Variants in MAPKAP1 observed in about 807,000 individuals in gnomAD.
MAPKAP1 encodes MAPK associated protein 1.
A neutral mutation model predicts 65.7 loss-of-function variants in MAPKAP1; 20 were observed. That is an observed-to-expected ratio of 0.30 (90% CI 0.21 to 0.44). The LOEUF (loss-of-function observed/expected upper bound fraction) is 0.44, where lower values mean the gene tolerates loss of function less well. Among genes scored for constraint, MAPKAP1 ranks in the 20% least tolerant of loss-of-function variants. The pLI is 1.00. For synonymous variants in MAPKAP1, 222 were observed against 244.3 expected, an observed-to-expected ratio of 0.91 and a Z score of 0.85; for missense variants, 423 against 648.0, an observed-to-expected ratio of 0.65 and a Z score of 3.77.
intron 4 of MAPKAP1, among the ~76,000 whole-genome samples, chr9:125,649,690 C>T (rs13284551): frequency 0.28 from 41,999 of 151,510 alleles, 6,711 homozygotes; most frequent in Non-Finnish European, 0.36. Flanking sequence ...ATAGGATATA[C>T]CCCACCTCCC....
intron 10 of MAPKAP1, among the ~76,000 whole-genome samples, chr9:125,457,048 G>A (rs1025803887): frequency 2.0e-5 from 3 of 151,214 alleles, no homozygotes; most frequent in African/African-American, 4.9e-5. Flanking sequence ...GAGTACAGTG[G>A]CGCGATCCTG....
At chr9:125,458,193 T>C (rs1281853402) in intron 10 of MAPKAP1, among the ~76,000 whole-genome samples, 1 of 151,714 alleles carries the variant, frequency 6.6e-6, no homozygotes, top group Non-Finnish European at 1.5e-5. Context: ...GAAGTTACCA[T>C]GTGTTGGAAG....
At chr9:125,531,924 A>G (rs528170224) in intron 7 of MAPKAP1, among the ~76,000 whole-genome samples, 1 of 152,360 alleles carries the variant, frequency 6.6e-6, no homozygotes, top group East Asian at 1.9e-4. Context: ...TAAAATTTAC[A>G]TGCAATATAC....
At chr9:125,508,099 G>C (rs1829197159) in intron 7 of MAPKAP1, among the ~76,000 whole-genome samples, 1 of 152,118 alleles carries the variant, frequency 6.6e-6, no homozygotes, top group Admixed American at 6.5e-5. Context: ...CCAGGAGCTG[G>C]AGGCTCCAGT....
chr9:125,478,993 C>T (rs1564525173), intron 9 of MAPKAP1, among the ~76,000 whole-genome samples: 1 of 152,172 alleles, frequency 6.6e-6, no homozygotes, highest in Non-Finnish European at 1.5e-5. Flanking sequence ...CAGTTAGGCT[C>T]AGGACTCAAC....
At chr9:125,448,881 C>T (rs766233552) in intron 10 of MAPKAP1, among the ~76,000 whole-genome samples, 21 of 151,660 alleles carry the variant, frequency 1.4e-4, no homozygotes, top group African/African-American at 3.9e-4. Context: ...GGCACACACC[C>T]GGAATCCCAG....
At chr9:125,665,882 G>A (rs1239386192) in intron 3 of MAPKAP1, among the ~76,000 whole-genome samples, 1 of 152,112 alleles carries the variant, frequency 6.6e-6, no homozygotes, top group Non-Finnish European at 1.5e-5. Context: ...TTGTTGTTTT[G>A]CATTATTATT....
At chr9:125,622,295 TAAA>T (rs1323186785) in intron 4 of MAPKAP1, among the ~76,000 whole-genome samples, 3 of 152,114 alleles carry the variant, frequency 2.0e-5, no homozygotes, top group Non-Finnish European at 4.4e-5. Context: ...TTCAAAAAGA[TAAA>T]AAAAGGATTA....
chr9:125,559,871 G>GTA, intron 5 of MAPKAP1, 62 bp from the exon 6 acceptor site: 2 of 1,525,794 alleles, frequency 1.3e-6, no homozygotes, highest in East Asian at 2.3e-5. Context: ...GAAGACCAGA[G>GTA]GGTATGGTGC....
intron 11 of MAPKAP1, among the ~76,000 whole-genome samples, chr9:125,441,005 T>C (rs911964509): frequency 6.6e-6 from 1 of 152,208 alleles, no homozygotes; most frequent in Admixed American, 6.5e-5. Context: ...ACATAGATAA[T>C]GTTAATGGAA....
intron 1 of MAPKAP1, among the ~76,000 whole-genome samples, chr9:125,672,945 A>G (rs1004208881): frequency 6.6e-6 from 1 of 152,192 alleles, no homozygotes; most frequent in Non-Finnish European, 1.5e-5. Context: ...TTAAAACAAT[A>G]TATTTTCCTT....
intron 4 of MAPKAP1, among the ~76,000 whole-genome samples, chr9:125,605,699 G>A (rs1832421782): frequency 6.6e-6 from 1 of 152,136 alleles, no homozygotes. Context: ...GCAGTCAGCT[G>A]GAATTTGGCT....
At chr9:125,488,902 C>A (rs1473434717) in intron 8 of MAPKAP1, among the ~76,000 whole-genome samples, 1 of 152,184 alleles carries the variant, frequency 6.6e-6, no homozygotes, top group Non-Finnish European at 1.5e-5. Flanking sequence ...AGACAAATAC[C>A]TGAAGCAAAG....
intron 4 of MAPKAP1, among the ~76,000 whole-genome samples, chr9:125,618,738 G>A (rs1265351161): frequency 6.6e-6 from 1 of 152,126 alleles, no homozygotes; most frequent in Admixed American, 6.5e-5. Context: ...CAAACAAACA[G>A]CTATTTAATA....
chr9:125,579,806 C>G (rs1831562378), intron 5 of MAPKAP1, among the ~76,000 whole-genome samples: 1 of 152,116 alleles, frequency 6.6e-6, no homozygotes. Flanking sequence ...AGGAGGAGAT[C>G]CCAGGGATTC....
At chr9:125,703,558 G>C (rs1017387216) in intron 1 of MAPKAP1, among the ~76,000 whole-genome samples, 1 of 152,140 alleles carries the variant, frequency 6.6e-6, no homozygotes, top group African/African-American at 2.4e-5. Flanking sequence ...GATCACTTGA[G>C]GTCAGGAGTT....
chr9:125,706,698 G>A (rs1339211132), intron 1 of MAPKAP1, among the ~76,000 whole-genome samples: 1 of 151,838 alleles, frequency 6.6e-6, no homozygotes, highest in Non-Finnish European at 1.5e-5. Flanking sequence ...CCAAGTGCAG[G>A]CCCAGAAACT....
Position 125,487,350 on chromosome 9 carries a change from G to A in MAPKAP1, c.1067-2767C>T, listed in dbSNP as rs565362106. 9.2e-5 allele frequency among the ~76,000 whole-genome samples: 14 copies of A among 152,128 alleles called. No individual in the cohort carries two copies. The East Asian group carries it at 2.7e-3, about 29-fold the overall frequency. On this transcript the variant is annotated intron_variant, in intron 8 of 11. Transcript: ENST00000265960. ...TTCACTTTTTCCAGTCATTTTTACTGAAACATAACTGCCAAAACATGTTTT... is the reference window on the plus strand; with the variant it reads ...TTCACTTTTTCCAGTCATTTTTACTAAAACATAACTGCCAAAACATGTTTT...
chr9:125,616,977 T>C (rs1052173144), intron 4 of MAPKAP1, among the ~76,000 whole-genome samples: 2 of 152,350 alleles, frequency 1.3e-5, no homozygotes, highest in South Asian at 4.1e-4. Context: ...TATTTTTCTA[T>C]GAAAATAGTT....
Sources: allele counts gnomAD v4.1 joint callset (sites outside exome capture counted in the v4.1 genomes callset), GRCh38; gene constraint gnomAD v4.1.1; transcripts MANE v1.5; gene names NCBI Gene and HGNC (gene_info 2026-07-23, HGNC 2026-07-21).